Variants in PCCB observed in about 807,000 individuals in gnomAD.
The protein encoded by PCCB is propionyl-CoA carboxylase subunit beta, also known as propionyl-CoA carboxylase beta chain, mitochondrial.
PCCB carries 43 observed loss-of-function variants against 60.7 expected under a neutral mutation model. The observed-to-expected ratio is 0.71, with a 90% CI of 0.55 to 0.91. The LOEUF (loss-of-function observed/expected upper bound fraction) is 0.91, where lower values mean the gene tolerates loss of function less well. Among genes scored for constraint, PCCB ranks in the 40% least tolerant of loss-of-function variants. The pLI is 0.00. For missense variants in PCCB, 766 were observed against 702.8 expected (o/e 1.09, Z -1.02); for synonymous variants, 276 against 255.9 (o/e 1.08, Z -0.75).
Position 136,283,720 on chromosome 3 carries a change from G to C in PCCB, c.544-117G>C, listed in dbSNP as rs572066414. 5.5e-6 allele frequency: 4 copies of C among 724,358 alleles called. 1 individual carries two copies. In the South Asian group the frequency reaches 6.1e-5, roughly 11 times the overall value. The allele number at this position is 724,358 out of a possible 1,614,324, so 44.9% of individuals were successfully genotyped here. On this transcript the variant is annotated intron_variant, in intron 5 of 14. Coordinates refer to ENST00000251654, the MANE Select transcript of PCCB (RefSeq NM_000532.5). ...TCACTGATTAGGTCTGTTGCCTCCT[G>C]TATAGAATTTCTGTGGGAAAAAAGC...
At chr3:136,254,630 T>A (rs1020350026) in intron 1 of PCCB, among the ~76,000 whole-genome samples, 1 of 147,328 alleles carries the variant, frequency 6.8e-6, no homozygotes, top group African/African-American at 2.5e-5. Context: ...CTTCCCAGGT[T>A]CAAGTGATTC....
intron 9 of PCCB, among the ~76,000 whole-genome samples, chr3:136,315,089 C>T (rs1934832900): frequency 6.6e-6 from 1 of 152,040 alleles, no homozygotes; most frequent in African/African-American, 2.4e-5. Flanking sequence ...TTATGAAAGA[C>T]AAAGATGGAG....
In PCCB at chr3:136,326,290, C is replaced by T. The variant is rs1935306232; in HGVS notation, c.1091-513C>T. 20 of 700,718 alleles carry T rather than the reference C, an allele frequency of 2.9e-5. No individual in the cohort carries two copies. The East Asian group carries it at 5.1e-4, about 18-fold the overall frequency. 43.4% of individuals were successfully genotyped at this position (700,718 alleles called of 1,614,324 possible). A position where few individuals can be genotyped will look rare whatever the true frequency, so the allele number is the denominator to read the frequency against. Reference sequence around the variant, plus strand: ...AAACTCTTCTAGGAGGGGAGATTTACTAGTAATTGAGCTCCTACTCTGTGC... The same window carrying T: ...AAACTCTTCTAGGAGGGGAGATTTATTAGTAATTGAGCTCCTACTCTGTGC... On this transcript the variant is annotated intron_variant, in intron 10 of 14. Transcript: ENST00000251654.
In PCCB at chr3:136,301,110, CTG is replaced by C; in HGVS notation, c.966+1_966+2del. On this transcript the variant is annotated splice_donor_variant and coding_sequence_variant, in exon 9 of 15. Transcript: ENST00000251654. LOFTEE classifies it high-confidence loss of function. ...TACAACATGGTGGACATCATACACTCTGTAAGTGCCACATCTGTTTGTCTTGC... is the reference window on the plus strand; with the variant it reads ...TACAACATGGTGGACATCATACACTCTAAGTGCCACATCTGTTTGTCTTGC... The C allele has an allele frequency of 1.2e-6, 2 of 1,608,582 alleles. No homozygotes were observed. Among genetic ancestry groups the C allele is most frequent in the Non-Finnish European group, 1.7e-6 (2 of 1,174,860 alleles).
rs1553782783 is a variant in PCCB, at chr3:136,317,068, G to A, written c.1090+4G>A. 1.2e-6 allele frequency: 2 copies of A among 1,614,108 alleles called. No individual in the cohort carries two copies. The highest frequency in any genetic ancestry group is 1.7e-6 in the Non-Finnish European group (2 of 1,180,004). On this transcript the variant is annotated splice_donor_region_variant and intron_variant, in intron 10 of 14. Coordinates refer to ENST00000251654, the MANE Select transcript of PCCB (RefSeq NM_000532.5). ...AACCAACCTAAGGTGGCCTCAGGTA[G>A]GATGGAGCTCTTATAAGCCTTGGTT...
chr3:136,250,605 C>G (rs1941487701), intron 1 of PCCB, 47 bp downstream of exon 1: 1 of 1,556,230 alleles, frequency 6.4e-7, no homozygotes, highest in African/African-American at 1.4e-5. Context: ...GCGTCCGCGA[C>G]CTATCACTGC....
intron 3 of PCCB, 67 bp from the exon 4 acceptor site, chr3:136,260,412 C>G: frequency 7.6e-7 from 1 of 1,307,420 alleles, no homozygotes. Flanking sequence ...CTATTTCTTC[C>G]TCCCACTGGG....
intron 10 of PCCB, among the ~76,000 whole-genome samples, chr3:136,318,125 T>A (rs867875853): frequency 1.2e-4 from 19 of 152,130 alleles, no homozygotes; most frequent in South Asian, 2.1e-4. Flanking sequence ...GATCACGAGG[T>A]CTGGAGTTAG....
At chr3:136,322,467 CAT>C (rs1449174168) in intron 10 of PCCB, among the ~76,000 whole-genome samples, 3 of 152,180 alleles carry the variant, frequency 2.0e-5, no homozygotes, top group African/African-American at 7.2e-5. Flanking sequence ...ATGCTGGACT[CAT>C]AGAATGAGTT....
chr3:136,327,509 G>A (rs1935367282), intron 12 of PCCB, 125 bp from the exon 13 acceptor site: 1 of 794,396 alleles, frequency 1.3e-6, no homozygotes, highest in Non-Finnish European at 2.2e-6. Flanking sequence ...CAGACCGTGG[G>A]CCTTCAGGAG....
chr3:136,275,269 G>T lies in PCCB; in HGVS notation c.544-8568G>T, dbSNP rs78385303. Among the ~76,000 whole-genome samples, 10 of 151,604 alleles carry T rather than the reference G, an allele frequency of 6.6e-5. No homozygotes were observed. The South Asian group carries it at 2.1e-3, about 32-fold the overall frequency. The stretch of plus-strand genomic sequence containing the variant: ...ATTTCCCTAAGTGTGTTTCATTTCC[G>T]GAAATTCTGATTGTTTTTTCTTTAT... On this transcript the variant is annotated intron_variant, in intron 5 of 14. Transcript: ENST00000251654.
chr3:136,322,851 G>T (rs1935155348), intron 10 of PCCB, among the ~76,000 whole-genome samples: 1 of 152,066 alleles, frequency 6.6e-6, no homozygotes, highest in African/African-American at 2.4e-5. Context: ...TCTCATTTTT[G>T]AAGGACAGTT....
At chr3:136,254,852 G>A (rs901206876) in intron 1 of PCCB, among the ~76,000 whole-genome samples, 1 of 150,510 alleles carries the variant, frequency 6.6e-6, no homozygotes, top group African/African-American at 2.4e-5. Context: ...TAGATTGAGA[G>A]CTCTGACCTC....
At chr3:136,265,305 C>G (rs1215662539) in intron 5 of PCCB, among the ~76,000 whole-genome samples, 1 of 152,192 alleles carries the variant, frequency 6.6e-6, no homozygotes, top group Non-Finnish European at 1.5e-5. Context: ...CAGCCATAAT[C>G]TAGTTTTCAA....
chr3:136,252,133 T>C (rs1263970128), intron 1 of PCCB, among the ~76,000 whole-genome samples: 1 of 151,032 alleles, frequency 6.6e-6, no homozygotes, highest in East Asian at 2.0e-4. Context: ...TCACCCACCT[T>C]GGCGTCCCAA....
chr3:136,264,015 A>AG (rs1941900119), intron 5 of PCCB, among the ~76,000 whole-genome samples: 1 of 151,998 alleles, frequency 6.6e-6, no homozygotes, highest in African/African-American at 2.4e-5. Context: ...CTGTCTCAAA[A>AG]AAAAAAAAAA....
intron 5 of PCCB, among the ~76,000 whole-genome samples, chr3:136,280,386 G>A (rs1053831921): frequency 5.3e-5 from 8 of 152,112 alleles, no homozygotes; most frequent in Admixed American, 2.6e-4. Context: ...TTGCTCTGTT[G>A]CCCAGGATGG....
intron 12 of PCCB, 63 bp from the exon 13 acceptor site, chr3:136,327,571 G>T (rs1935369539): frequency 1.6e-6 from 2 of 1,270,298 alleles, no homozygotes; most frequent in Non-Finnish European, 2.3e-6. Flanking sequence ...GTTTCCTGGG[G>T]TCTTTCAGGG....
chr3:136,253,448 G>C (rs1335265962), intron 1 of PCCB, among the ~76,000 whole-genome samples: 1 of 151,734 alleles, frequency 6.6e-6, no homozygotes. Flanking sequence ...GCGGTGGAGT[G>C]ATCGTGGCTC....
Sources: gnomAD v4.1 joint callset for allele counts (sites outside exome capture counted in the v4.1 genomes callset) on GRCh38, gnomAD v4.1.1 for gene constraint, MANE v1.5 for transcripts, NCBI Gene and HGNC (gene_info 2026-07-23, HGNC 2026-07-21) for gene names.